EMCN: variants seen among roughly 807,000 people sequenced by gnomAD.
The protein encoded by EMCN is MUC-14.
Under a neutral mutation model 38.4 loss-of-function variants are expected in EMCN, and 37 were observed. The ratio of observed to expected loss-of-function variants is 0.96; its 90% CI spans 0.74 to 1.27. EMCN has a LOEUF of 1.27. Ranked by LOEUF, EMCN falls within the 50% of genes most tolerant of loss-of-function variation. EMCN has a pLI of 0.00. For missense variants in EMCN, 318 were observed against 302.8 expected (o/e 1.05, Z -0.37); for synonymous variants, 95 against 100.8 (o/e 0.94, Z 0.35).
chr4:100,400,326 A>T (rs1280033264), intron 11 of EMCN, among the ~76,000 whole-genome samples: 1 of 151,348 alleles, frequency 6.6e-6, no homozygotes, highest in Non-Finnish European at 1.5e-5. Context: ...GTGCCTGGAA[A>T]ATCTTTCCTC....
chr4:100,454,830 A>G (rs1727964814), intron 4 of EMCN, among the ~76,000 whole-genome samples: 1 of 152,130 alleles, frequency 6.6e-6, no homozygotes, highest in Non-Finnish European at 1.5e-5. Flanking sequence ...CCTTCCTTTG[A>G]AACCTTCTCT....
intron 11 of EMCN, among the ~76,000 whole-genome samples, chr4:100,409,702 T>C (rs550121856): frequency 2.0e-5 from 3 of 152,260 alleles, no homozygotes; most frequent in African/African-American, 7.2e-5. Context: ...GGTGTTTTTT[T>C]CCACACATCC....
At chr4:100,485,872 TTC>T (rs1377150037) in intron 1 of EMCN, among the ~76,000 whole-genome samples, 1 of 152,134 alleles carries the variant, frequency 6.6e-6, no homozygotes, top group Non-Finnish European at 1.5e-5. Flanking sequence ...GGATAATTTC[TTC>T]TGTTTGCCTT....
At chr4:100,470,777 A>G (rs928428807) in intron 3 of EMCN, among the ~76,000 whole-genome samples, 9 of 152,012 alleles carry the variant, frequency 5.9e-5, no homozygotes, top group African/African-American at 1.9e-4. Flanking sequence ...ACAAATTAAC[A>G]CAGGAAAAGA....
intron 4 of EMCN, among the ~76,000 whole-genome samples, chr4:100,450,360 C>T (rs1727803065): frequency 6.6e-6 from 1 of 151,910 alleles, no homozygotes; most frequent in Admixed American, 6.6e-5. Flanking sequence ...AAACTTTGCT[C>T]AAGCATTTAG....
intron 2 of EMCN, among the ~76,000 whole-genome samples, chr4:100,477,720 A>G (rs563166204): frequency 6.6e-6 from 1 of 152,312 alleles, no homozygotes; most frequent in African/African-American, 2.4e-5. Context: ...TTTGGTAAAT[A>G]CTTTCATCGT....
chr4:100,477,849 G>T (rs736518), intron 2 of EMCN, among the ~76,000 whole-genome samples: 1 of 151,840 alleles, frequency 6.6e-6, no homozygotes, highest in African/African-American at 2.4e-5. Flanking sequence ...GAATGGGACA[G>T]TGTATAAAAC....
At chr4:100,508,406 T>G (rs1187940594) in intron 1 of EMCN, among the ~76,000 whole-genome samples, 1 of 152,220 alleles carries the variant, frequency 6.6e-6, no homozygotes, top group Non-Finnish European at 1.5e-5. Context: ...TTCTTTTATG[T>G]AATATTCTAA....
chr4:100,425,723 T>C (rs987209996), intron 5 of EMCN, among the ~76,000 whole-genome samples: 9 of 152,000 alleles, frequency 5.9e-5, no homozygotes, highest in African/African-American at 1.9e-4. Context: ...CCTAGAGAGT[T>C]GAACCTCCCA....
rs951479396 is a variant in EMCN, at chr4:100,396,424, A to C, written c.*1989T>G. 2.0e-5 allele frequency: 3 copies of C among 152,082 alleles called. No homozygotes were observed. Among genetic ancestry groups the C allele is most frequent in the Non-Finnish European group, 2.9e-5 (2 of 68,010 alleles). 9.4% of individuals were successfully genotyped at this position (152,082 alleles called of 1,614,324 possible). ...GATCCAAAATAACATATTACTTATAATTTAAATTGCAGAAGAGTTCATTTC... is the reference window on the plus strand; with the variant it reads ...GATCCAAAATAACATATTACTTATACTTTAAATTGCAGAAGAGTTCATTTC... On this transcript the variant is annotated 3_prime_UTR_variant, in exon 12 of 12. Coordinates refer to ENST00000296420, the MANE Select transcript of EMCN (RefSeq NM_016242.4).
chr4:100,493,358 A>C (rs1477752524), intron 1 of EMCN, among the ~76,000 whole-genome samples: 1 of 152,214 alleles, frequency 6.6e-6, no homozygotes, highest in Non-Finnish European at 1.5e-5. Context: ...GTTGTAAAAC[A>C]AAAAGATTGC....
intron 10 of EMCN, 59 bp downstream of exon 10, chr4:100,415,839 G>T: frequency 8.4e-7 from 1 of 1,190,380 alleles, no homozygotes; most frequent in Admixed American, 2.2e-5. Context: ...AAAATCCAAG[G>T]TTATAGTTAG....
In EMCN at chr4:100,447,548, T is replaced by G. The variant is rs150974918; in HGVS notation, c.400A>C (p.Thr134Pro). 6.2e-7 allele frequency: 1 copy of G among 1,603,370 alleles called. No homozygotes were observed. The highest frequency in any genetic ancestry group is 2.2e-5 in the East Asian group (1 of 44,762). The change falls in exon 5 of 12, where the codon ACA (threonine) becomes CCA (proline). Residue 134 changes from threonine (T) to proline (P), a missense_variant. Physicochemically the swap from Thr to Pro is conservative, Grantham distance 38. Transcript: ENST00000296420. ...PKTETQSSIK[T>P]TEIPGSVLQP... ...AAGAGCTTACCTGGTATTTCTGTTG[T>G]TTTAATTGAACTCTGAGTTTCAGCT...
chr4:100,423,520 A>G (rs1299206809), intron 5 of EMCN, 116 bp from the exon 6 acceptor site: 1 of 690,030 alleles, frequency 1.4e-6, no homozygotes, highest in South Asian at 1.7e-5. Context: ...ATTTATTGTC[A>G]AATAGTAGGA....
chr4:100,457,191 T>C (rs1465626812), intron 4 of EMCN, among the ~76,000 whole-genome samples: 2 of 66,178 alleles, frequency 3.0e-5, no homozygotes, highest in African/African-American at 2.4e-4. Context: ...ATAGTTTGGT[T>C]GTGTGTGTGT....
intron 1 of EMCN, chr4:100,487,040 A>G (rs1243157179): frequency 2.0e-6 from 2 of 984,238 alleles, no homozygotes; most frequent in East Asian, 2.3e-4. Flanking sequence ...TGAGGTAAAA[A>G]AGGCAAAGGT....
chr4:100,509,168 C>T (rs1156763555), intron 1 of EMCN, among the ~76,000 whole-genome samples: 1 of 152,162 alleles, frequency 6.6e-6, no homozygotes, highest in Non-Finnish European at 1.5e-5. Context: ...TCCTTGCTTC[C>T]TATATACAGT....
intron 1 of EMCN, among the ~76,000 whole-genome samples, chr4:100,498,453 G>T (rs1431315785): frequency 1.3e-5 from 2 of 151,898 alleles, no homozygotes; most frequent in African/African-American, 4.8e-5. Context: ...TCTCTGTCAT[G>T]AAAGTAACAT....
intron 2 of EMCN, among the ~76,000 whole-genome samples, chr4:100,475,535 T>C (rs1263469293): frequency 6.6e-6 from 1 of 151,956 alleles, no homozygotes; most frequent in Non-Finnish European, 1.5e-5. Flanking sequence ...TTCATTTTAT[T>C]GATGTAGTTA....
Sources: gnomAD v4.1 joint callset for allele counts (sites outside exome capture counted in the v4.1 genomes callset) on GRCh38, gnomAD v4.1.1 for gene constraint, MANE v1.5 for transcripts, NCBI Gene and HGNC (gene_info 2026-07-23, HGNC 2026-07-21) for gene names.